The following PDCD6 variants were observed in gnomAD, a reference collection of about 807,000 sequenced individuals.
The protein encoded by PDCD6 is programmed cell death 6, also known as programmed cell death protein 6.
A neutral mutation model predicts 28.3 loss-of-function variants in PDCD6; 12 were observed. That is an observed-to-expected ratio of 0.42 (90% CI 0.27 to 0.69). The LOEUF is 0.69. PDCD6 is among the 30% of genes least tolerant of loss of function. PDCD6 has a pLI of 0.22. For missense variants in PDCD6, 226 were observed against 269.9 expected (o/e 0.84, Z 1.14); for synonymous variants, 92 against 108.0 (o/e 0.85, Z 0.92).
At chr5:281,381 T>C (rs1013079294) in intron 2 of PDCD6, among the ~76,000 whole-genome samples, 12 of 152,008 alleles carry the variant, frequency 7.9e-5, no homozygotes, top group African/African-American at 2.9e-4. Context: ...GGTGCTGCCT[T>C]TTAAGTCTAT....
chr5:287,618 T>C (rs1228618249), intron 2 of PDCD6, among the ~76,000 whole-genome samples: 1 of 151,978 alleles, frequency 6.6e-6, no homozygotes, highest in Non-Finnish European at 1.5e-5. Context: ...TTCAATCAGT[T>C]AGTCAAATAA....
intron 2 of PDCD6, chr5:276,980 T>A (rs891287486): frequency 2.0e-6 from 2 of 977,618 alleles, no homozygotes; most frequent in Non-Finnish European, 2.4e-6. Context: ...GGGGTTTTTT[T>A]AACATTCACA....
intron 2 of PDCD6, among the ~76,000 whole-genome samples, chr5:281,588 G>T (rs1250582391): frequency 6.6e-6 from 1 of 152,102 alleles, no homozygotes; most frequent in Non-Finnish European, 1.5e-5. Flanking sequence ...ATTTTAATTG[G>T]TGGGTCGTAG....
chr5:298,902 A>C (rs1490454720), intron 2 of PDCD6, among the ~76,000 whole-genome samples: 6 of 19,400 alleles, frequency 3.1e-4, no homozygotes, highest in East Asian at 1.6e-3. Flanking sequence ...AGCTGCTCTC[A>C]CCCAGCTGTT....
Position 271,760 on chromosome 5 carries a change from C to A in PDCD6, c.40C>A (p.Pro14Thr). 1 of 1,483,308 alleles carries A rather than the reference C, an allele frequency of 6.7e-7. No individual in the cohort carries two copies. Among genetic ancestry groups the A allele is most frequent in the Non-Finnish European group, 8.9e-7 (1 of 1,119,370 alleles). The allele number at this position is 1,483,308 out of a possible 1,614,324, so 91.9% of individuals were successfully genotyped here. ...YSYRPGPGAGPGPAAGAALPD... is the reference protein window; with the variant it reads ...YSYRPGPGAGTGPAAGAALPD... Reference sequence around the variant, plus strand: ...TTACCGCCCCGGCCCTGGGGCCGGCCCTGGGCCTGCTGCAGGCGCGGCGCT... The same window carrying A: ...TTACCGCCCCGGCCCTGGGGCCGGCACTGGGCCTGCTGCAGGCGCGGCGCT... Residue 14 changes from proline to threonine, a missense_variant, in exon 1 of 6, where the codon CCT (proline) becomes ACT (threonine). Transcript: ENST00000264933.
At chr5:302,386 A>T (rs1740137883) in intron 2 of PDCD6, among the ~76,000 whole-genome samples, 2 of 112,124 alleles carry the variant, frequency 1.8e-5, no homozygotes, top group African/African-American at 9.8e-5. Context: ...TGGGTCGTGG[A>T]GTGCTGCTCT....
rs908364119 is a variant in PDCD6 at position 307,454 on chromosome 5, A to G, written c.367+694A>G. ...GCGTGTGTGTGCTTGACGCGTGTGC[A>G]CACACACATGTGACGGTGTGCCGTG... is the stretch of plus-strand genomic sequence containing the variant. On this transcript the variant is annotated intron_variant, in intron 4 of 5. Coordinates refer to ENST00000264933, the MANE Select transcript of PDCD6 (RefSeq NM_013232.4). The surrounding 1 kb of genome is among the most constrained non-coding windows in gnomAD (Gnocchi z 6.1). Among the ~76,000 whole-genome samples the G allele has an allele frequency of 1.3e-5, 2 of 152,244 alleles. No individual in the cohort carries two copies. The highest frequency in any genetic ancestry group is 1.9e-4 in the East Asian group (1 of 5,166).
intron 2 of PDCD6, among the ~76,000 whole-genome samples, chr5:279,945 C>T (rs1276365411): frequency 4.5e-5 from 6 of 133,858 alleles, no homozygotes; most frequent in Admixed American, 3.6e-4. Context: ...TCTAGCTTCC[C>T]GGAGTCAGGA....
intron 2 of PDCD6, among the ~76,000 whole-genome samples, chr5:281,880 C>G (rs975481418): frequency 6.7e-6 from 1 of 149,844 alleles, no homozygotes; most frequent in African/African-American, 2.4e-5. Context: ...CTTTGAGGGT[C>G]TTTCAGCTGA....
At chr5:281,497 G>T (rs984102996) in intron 2 of PDCD6, among the ~76,000 whole-genome samples, 1 of 152,216 alleles carries the variant, frequency 6.6e-6, no homozygotes, top group Non-Finnish European at 1.5e-5. Flanking sequence ...TTCTGTGAGG[G>T]TCGTGGAGCT....
intron 2 of PDCD6, among the ~76,000 whole-genome samples, chr5:288,169 A>G (rs1218818115): frequency 6.6e-6 from 1 of 151,874 alleles, no homozygotes; most frequent in Non-Finnish European, 1.5e-5. Context: ...TACTCAGAAG[A>G]GAAAGAAAAT....
intron 2 of PDCD6, among the ~76,000 whole-genome samples, chr5:279,413 C>T (rs1228773867): frequency 6.6e-6 from 1 of 152,050 alleles, no homozygotes; most frequent in Admixed American, 6.6e-5. Flanking sequence ...CAGGGAACGG[C>T]GGCTCTGGCT....
At chr5:291,158 T>C (rs967803919) in intron 2 of PDCD6, among the ~76,000 whole-genome samples, 3 of 152,136 alleles carry the variant, frequency 2.0e-5, no homozygotes, top group Admixed American at 1.3e-4. Context: ...CCCACACTTT[T>C]CTTCATAGTA....
At chr5:294,310 G>A (rs1276635384) in intron 2 of PDCD6, among the ~76,000 whole-genome samples, 4 of 146,350 alleles carry the variant, frequency 2.7e-5, no homozygotes, top group African/African-American at 8.2e-5. Context: ...GTCTCACAAC[G>A]TACTGGCACG....
intron 2 of PDCD6, among the ~76,000 whole-genome samples, chr5:291,107 T>C (rs2126721337): frequency 6.6e-6 from 1 of 152,278 alleles, no homozygotes; most frequent in Non-Finnish European, 1.5e-5. Flanking sequence ...CCTTCCCTTC[T>C]CCTGCAGAGG....
chr5:275,537 T>G (rs1224595769), intron 2 of PDCD6, among the ~76,000 whole-genome samples: 1 of 152,230 alleles, frequency 6.6e-6, no homozygotes, highest in Admixed American at 6.5e-5. Flanking sequence ...GGCTCACCAG[T>G]AATGAGAGTT....
intron 2 of PDCD6, among the ~76,000 whole-genome samples, chr5:284,512 C>A (rs1738800511): frequency 1.3e-5 from 2 of 151,716 alleles, no homozygotes; most frequent in African/African-American, 2.4e-5. Context: ...AACTGGAGAC[C>A]TGTGCGGGGG....
chr5:294,453 T>C (rs1310939106), intron 2 of PDCD6, among the ~76,000 whole-genome samples: 1 of 152,178 alleles, frequency 6.6e-6, no homozygotes, highest in Non-Finnish European at 1.5e-5. Flanking sequence ...AGAAAGAGGC[T>C]CAACGTCGTA....
intron 2 of PDCD6, among the ~76,000 whole-genome samples, chr5:277,772 G>A (rs1467519643): frequency 6.6e-6 from 1 of 151,960 alleles, no homozygotes; most frequent in African/African-American, 2.4e-5. Flanking sequence ...AAAATTAGCC[G>A]GGAATGGTGG....
Sources: allele counts gnomAD v4.1 joint callset (sites outside exome capture counted in the v4.1 genomes callset), GRCh38; gene constraint gnomAD v4.1.1; non-coding constraint Gnocchi (gnomAD v3.1); transcripts MANE v1.5; gene names NCBI Gene and HGNC (gene_info 2026-07-23, HGNC 2026-07-21).